The following NUP62CL variants were observed in gnomAD, a reference collection of about 807,000 sequenced individuals.
The protein encoded by NUP62CL is nucleoporin 62 C-terminal like, also known as nucleoporin-62 C-terminal-like protein.
Under a neutral mutation model 15.3 loss-of-function variants are expected in NUP62CL, and 13 were observed. The observed-to-expected ratio is 0.85, with a 90% CI of 0.55 to 1.35. The LOEUF (loss-of-function observed/expected upper bound fraction) is 1.35, where lower values mean the gene tolerates loss of function less well. NUP62CL is among the 40% of genes most tolerant of loss of function. The pLI, the probability that NUP62CL is intolerant of heterozygous loss-of-function variation, is 0.00. For missense variants in NUP62CL, 123 were observed against 130.6 expected (o/e 0.94, Z 0.28); for synonymous variants, 54 against 49.2 (o/e 1.10, Z -0.41).
At chrX:107,189,910 A>AAAGAAAGAAAGAAAGAAAGG (rs1927189386) in intron 2 of NUP62CL, among the ~76,000 whole-genome samples, 1 of 104,157 alleles carries the variant, frequency 9.6e-6, no homozygotes, top group African/African-American at 3.6e-5. Flanking sequence ...AGAAAGAAAG[A>AAAGAAAGAAAGAAAGAAAGG]AAGAAAGAAA....
chrX:107,197,195 T>C (rs1020132622), intron 1 of NUP62CL, among the ~76,000 whole-genome samples: 2 of 112,044 alleles, frequency 1.8e-5, no homozygotes, highest in Admixed American at 1.9e-4. Flanking sequence ...TTCTCTTAAT[T>C]TTTCCCAGGC....
intron 7 of NUP62CL, among the ~76,000 whole-genome samples, chrX:107,149,839 G>A (rs920968205): frequency 7.2e-5 from 8 of 111,146 alleles, no homozygotes; most frequent in Non-Finnish European, 1.3e-4. Context: ...CCACAGAGTG[G>A]GAGCGGGAAA....
At chrX:107,193,697 A>T (rs896229972) in intron 1 of NUP62CL, among the ~76,000 whole-genome samples, 228 of 111,412 alleles carry the variant, frequency 2.0e-3, no homozygotes, top group Non-Finnish European at 3.6e-3. Context: ...GTCAAAAAAA[A>T]AAAGCCCTTA....
intron 4 of NUP62CL, among the ~76,000 whole-genome samples, chrX:107,159,514 A>T (rs1473637138): frequency 1.3e-5 from 1 of 75,206 alleles, no homozygotes; most frequent in East Asian, 4.3e-4. Context: ...ATATAAACAG[A>T]GCCAAAGACA....
chrX:107,146,203 A>G (rs1407299887), intron 8 of NUP62CL, among the ~76,000 whole-genome samples: 1 of 111,296 alleles, frequency 9.0e-6, no homozygotes, highest in Non-Finnish European at 1.9e-5. Flanking sequence ...ACTATTCAGT[A>G]ATCTATGGAG....
intron 8 of NUP62CL, among the ~76,000 whole-genome samples, chrX:107,125,291 T>G (rs1448086539): frequency 2.7e-5 from 3 of 111,903 alleles, no homozygotes; most frequent in South Asian, 3.8e-4. Flanking sequence ...ACATATAACA[T>G]GCAAAATACG....
chrX:107,150,906 C>T (rs866669435), intron 7 of NUP62CL: 23 of 341,371 alleles, frequency 6.7e-5, no homozygotes, highest in African/African-American at 5.0e-4. Flanking sequence ...TGATTAACAA[C>T]GTCCTTGAGA....
At chrX:107,189,819 AAAG>A (rs1927165612) in intron 2 of NUP62CL, among the ~76,000 whole-genome samples, 1 of 63,946 alleles carries the variant, frequency 1.6e-5, no homozygotes, top group Non-Finnish European at 2.9e-5. Context: ...AGAAAGAAAG[AAAG>A]AAGGAGGGAA....
intron 3 of NUP62CL, among the ~76,000 whole-genome samples, chrX:107,174,216 A>G (rs1926729799): frequency 9.8e-6 from 1 of 101,955 alleles, no homozygotes; most frequent in East Asian, 3.1e-4. Context: ...CAGTGGTGCA[A>G]TCTTGGCTCA....
At chrX:107,129,373 G>C (rs1355238514) in intron 8 of NUP62CL, among the ~76,000 whole-genome samples, 2 of 111,738 alleles carry the variant, frequency 1.8e-5, no homozygotes, top group Admixed American at 1.9e-4. Flanking sequence ...CTTTGGAGAG[G>C]GTGAACCAAA....
At chrX:107,165,965 GAAGAAA>G (rs113849645) in intron 4 of NUP62CL, among the ~76,000 whole-genome samples, 39,903 of 109,562 alleles carry the variant, frequency 0.36, 8,010 homozygotes, top group African/African-American at 0.76. Context: ...GAAAAACACA[GAAGAAA>G]AAGAAAATCT....
intron 1 of NUP62CL, among the ~76,000 whole-genome samples, chrX:107,193,408 G>A (rs1330200170): frequency 1.8e-5 from 2 of 111,678 alleles, no homozygotes; most frequent in Non-Finnish European, 3.8e-5. Context: ...AGGCTACCTG[G>A]TAAGGCCACA....
At chrX:107,160,596 G>C (rs753008569) in intron 4 of NUP62CL, among the ~76,000 whole-genome samples, 33 of 111,320 alleles carry the variant, frequency 3.0e-4, no homozygotes, top group African/African-American at 9.5e-4. Flanking sequence ...AGCTGAAACC[G>C]GATCCCTTCC....
chrX:107,200,816 G>A (rs1442223861), intron 1 of NUP62CL, among the ~76,000 whole-genome samples: 5 of 109,508 alleles, frequency 4.6e-5, no homozygotes, highest in Non-Finnish European at 7.6e-5. Flanking sequence ...ATACTTGAAA[G>A]AACTAACTGG....
At chrX:107,149,699 G>C (rs1169217088) in intron 7 of NUP62CL, among the ~76,000 whole-genome samples, 1 of 111,869 alleles carries the variant, frequency 8.9e-6, no homozygotes, top group Non-Finnish European at 1.9e-5. Context: ...GCTTACTAAA[G>C]AATAATCACC....
At chrX:107,125,783 A>G (rs996404019) in intron 8 of NUP62CL, among the ~76,000 whole-genome samples, 1 of 111,999 alleles carries the variant, frequency 8.9e-6, no homozygotes, top group Non-Finnish European at 1.9e-5. Flanking sequence ...GCTGATTGAT[A>G]CATATTAAAT....
At chrX:107,157,219 G>A (rs1390684321) in intron 4 of NUP62CL, among the ~76,000 whole-genome samples, 1 of 107,787 alleles carries the variant, frequency 9.3e-6, no homozygotes, top group African/African-American at 3.4e-5. Flanking sequence ...ATATTATCCA[G>A]GAGAACTTCC....
At chrX:107,203,648 G>A (rs1248328319) in intron 1 of NUP62CL, among the ~76,000 whole-genome samples, 25 of 110,886 alleles carry the variant, frequency 2.3e-4, no homozygotes, top group African/African-American at 8.2e-4. Flanking sequence ...TTAGGTTGCT[G>A]TTAATAATGC....
intron 2 of NUP62CL, among the ~76,000 whole-genome samples, chrX:107,183,289 C>T (rs6622173): frequency 0.31 from 33,377 of 108,501 alleles, 5,052 homozygotes; most frequent in African/African-American, 0.56. Flanking sequence ...AACCCCAGGA[C>T]GTTACATATA....
Sources: allele counts gnomAD v4.1 joint callset (sites outside exome capture counted in the v4.1 genomes callset), GRCh38; gene constraint gnomAD v4.1.1; transcripts MANE v1.5; gene names NCBI Gene and HGNC (gene_info 2026-07-23, HGNC 2026-07-21).